DPP10: variants seen among roughly 807,000 people sequenced by gnomAD.
The protein encoded by DPP10 is inactive dipeptidyl peptidase 10.
DPP10 carries 33 observed loss-of-function variants against 120.9 expected under a neutral mutation model. The observed-to-expected ratio is 0.27, with a 90% CI of 0.21 to 0.37. The LOEUF is 0.37. Ranked by LOEUF, DPP10 falls within the 10% of genes least tolerant of loss-of-function variation. The pLI is 1.00. For synonymous variants in DPP10, 337 were observed against 326.1 expected, an observed-to-expected ratio of 1.03 and a Z score of -0.36; for missense variants, 816 against 942.8, an observed-to-expected ratio of 0.87 and a Z score of 1.76.
intron 5 of DPP10, among the ~76,000 whole-genome samples, chr2:115,680,442 T>C (rs1181445701): frequency 1.3e-5 from 2 of 151,980 alleles, no homozygotes; most frequent in African/African-American, 2.4e-5. Flanking sequence ...AAATTATGTA[T>C]AGAATGTAAG....
chr2:115,751,432 T>C (rs1230952636), intron 10 of DPP10, among the ~76,000 whole-genome samples: 3 of 152,214 alleles, frequency 2.0e-5, no homozygotes, highest in African/African-American at 7.2e-5. Flanking sequence ...CAATGTTGCC[T>C]TATTAACTCT....
intron 1 of DPP10, among the ~76,000 whole-genome samples, chr2:115,129,157 C>T (rs1334648377): frequency 6.6e-6 from 1 of 152,192 alleles, no homozygotes; most frequent in Non-Finnish European, 1.5e-5. Context: ...GTGAAAGAGG[C>T]TTAAAGAGAT....
At chr2:115,371,745 A>G (rs143526532) in intron 3 of DPP10, among the ~76,000 whole-genome samples, 1 of 152,176 alleles carries the variant, frequency 6.6e-6, no homozygotes, top group African/African-American at 2.4e-5. Flanking sequence ...ATAACATTTG[A>G]AAAACAGTAT....
chr2:115,125,464 T>C (rs916239864), intron 1 of DPP10, among the ~76,000 whole-genome samples: 1 of 151,910 alleles, frequency 6.6e-6, no homozygotes, highest in African/African-American at 2.4e-5. Context: ...CAAACATATA[T>C]AAGCTTTGAA....
chr2:115,572,254 G>A (rs2081379414), intron 5 of DPP10, among the ~76,000 whole-genome samples: 1 of 151,704 alleles, frequency 6.6e-6, no homozygotes. Flanking sequence ...AAAAATACAG[G>A]TGCAAGATAT....
rs1264313600 is a variant in DPP10, at chr2:115,844,343, T to C, written c.*1998T>C. The C allele has an allele frequency of 6.6e-6, 1 of 152,566 alleles. No individual in the cohort carries two copies. Among genetic ancestry groups the C allele is most frequent in the East Asian group, 1.9e-4 (1 of 5,196 alleles). The allele number at this position is 152,566 out of a possible 1,614,324, so 9.5% of individuals were successfully genotyped here. On this transcript the variant is annotated 3_prime_UTR_variant, in exon 26 of 26. Coordinates refer to ENST00000410059, the MANE Select transcript of DPP10 (RefSeq NM_020868.6). ...GTCTATTTGAGTATCATTTAAAAAGTATTTGCCTTTTACTGTCATCATTTC... is the reference window on the plus strand; with the variant it reads ...GTCTATTTGAGTATCATTTAAAAAGCATTTGCCTTTTACTGTCATCATTTC...
chr2:115,354,234 T>C (rs1467934138), intron 3 of DPP10, among the ~76,000 whole-genome samples: 1 of 152,134 alleles, frequency 6.6e-6, no homozygotes, highest in Non-Finnish European at 1.5e-5. Context: ...GGGTGTGTTG[T>C]ATGATGCTGA....
Position 114,545,474 on chromosome 2 carries a change from G to A in DPP10, c.60+102636G>A, listed in dbSNP as rs186698572. Among the ~76,000 whole-genome samples the A allele has an allele frequency of 5.9e-5, 9 of 152,280 alleles. No homozygotes were observed. The East Asian group carries it at 1.4e-3, about 23-fold the overall frequency. ...TTACCCCAGGTCACTGAGGGACACT[G>A]TTGAGGAGAAAAAGTTGGATTCATT... On this transcript the variant is annotated intron_variant, in intron 1 of 25. Transcript: ENST00000410059.
intron 1 of DPP10, among the ~76,000 whole-genome samples, chr2:114,828,270 A>G (rs187261085): frequency 7.0e-4 from 106 of 152,346 alleles, no homozygotes; most frequent in Middle Eastern, 3.4e-3. Context: ...CTCAAAAGGC[A>G]AAGTATATGA....
intron 9 of DPP10, among the ~76,000 whole-genome samples, chr2:115,745,639 C>T (rs1440178703): frequency 6.6e-6 from 1 of 150,410 alleles, no homozygotes; most frequent in African/African-American, 2.4e-5. Context: ...TTTTGGTAGG[C>T]GTCTTTCTTT....
intron 24 of DPP10, among the ~76,000 whole-genome samples, chr2:115,840,070 A>G (rs543718822): frequency 2.6e-5 from 4 of 152,170 alleles, no homozygotes; most frequent in African/African-American, 9.6e-5. Context: ...TTCCTGTATT[A>G]ATATCCAGAA....
intron 1 of DPP10, among the ~76,000 whole-genome samples, chr2:114,536,577 T>C (rs1054092355): frequency 2.0e-5 from 3 of 151,988 alleles, no homozygotes; most frequent in African/African-American, 7.2e-5. Flanking sequence ...AGCTAATTTT[T>C]TGTATTTTTA....
At chr2:114,841,077 T>C (rs1383327344) in intron 1 of DPP10, among the ~76,000 whole-genome samples, 1 of 152,196 alleles carries the variant, frequency 6.6e-6, no homozygotes, top group Non-Finnish European at 1.5e-5. Context: ...AATTTTTGAA[T>C]ATGTATTATG....
chr2:115,791,312 C>T lies in DPP10; in HGVS notation c.1656C>T (p.Pro552=). Residue 552 remains proline (P), a synonymous_variant, in exon 19 of 26, where the codon CCC becomes CCT. Coordinates refer to ENST00000410059, the MANE Select transcript of DPP10 (RefSeq NM_020868.6). ...DYELPLQLSL[P]KDFMDRNQYA... is the part of the protein sequence containing the mutation. Reference sequence around the variant, plus strand: ...AACTTCCTTTACAGTTGTCCCTTCCCAAAGATTTTATGGACCGAAACCAGT... The same window carrying T: ...AACTTCCTTTACAGTTGTCCCTTCCTAAAGATTTTATGGACCGAAACCAGT... The T allele has an allele frequency of 6.2e-7, 1 of 1,611,838 alleles. No homozygotes were observed. Among genetic ancestry groups the T allele is most frequent in the Non-Finnish European group, 8.5e-7 (1 of 1,179,318 alleles).
chr2:114,972,770 C>G (rs558387211), intron 1 of DPP10, among the ~76,000 whole-genome samples: 1 of 152,126 alleles, frequency 6.6e-6, no homozygotes, highest in Non-Finnish European at 1.5e-5. Context: ...TTGTCTAAGT[C>G]ACATGTCAAT....
chr2:115,229,409 G>A lies in DPP10; in HGVS notation c.61-79830G>A, dbSNP rs866520190. Among the ~76,000 whole-genome samples the A allele has an allele frequency of 2.6e-4, 39 of 152,150 alleles. No individual in the cohort carries two copies. In the South Asian group the frequency reaches 4.4e-3, roughly 17 times the overall value. On this transcript the variant is annotated intron_variant, in intron 1 of 25. Coordinates refer to ENST00000410059, the MANE Select transcript of DPP10 (RefSeq NM_020868.6). ...ATTCCATTTGTCCATCTTTGCTTTC[G>A]TTGCGCATGCTTGTTGATTATTACT...
chr2:114,646,226 G>A (rs557953897), intron 1 of DPP10, among the ~76,000 whole-genome samples: 1 of 151,720 alleles, frequency 6.6e-6, no homozygotes, highest in East Asian at 1.9e-4. Context: ...AAAAGCACTA[G>A]TCTGCATCCA....
chr2:115,346,313 T>A (rs1400667), intron 3 of DPP10, among the ~76,000 whole-genome samples: 103,668 of 152,010 alleles, frequency 0.68, 35,909 homozygotes, highest in Admixed American at 0.75. Flanking sequence ...AGGTTTTCTT[T>A]GTACATAAGT....
At chr2:115,585,129 T>C (rs984346089) in intron 5 of DPP10, among the ~76,000 whole-genome samples, 14 of 152,174 alleles carry the variant, frequency 9.2e-5, no homozygotes, top group Admixed American at 7.9e-4. Context: ...AGTTAAGAAA[T>C]AATACTGATT....
Sources: gnomAD v4.1 joint callset for allele counts (sites outside exome capture counted in the v4.1 genomes callset) on GRCh38, gnomAD v4.1.1 for gene constraint, MANE v1.5 for transcripts, NCBI Gene and HGNC (gene_info 2026-07-23, HGNC 2026-07-21) for gene names.